Variants in TPRG1 observed in about 807,000 individuals in gnomAD.
TPRG1 encodes tumor protein p63 regulated 1.
Under a neutral mutation model 29.3 loss-of-function variants are expected in TPRG1, and 29 were observed. The observed-to-expected ratio is 0.99, with a 90% CI of 0.74 to 1.35. The LOEUF (loss-of-function observed/expected upper bound fraction) is 1.35, where lower values mean the gene tolerates loss of function less well. TPRG1 is among the 40% of genes most tolerant of loss of function. The pLI is 0.00. For synonymous variants in TPRG1, 130 were observed against 116.8 expected (o/e 1.11, Z -0.73); for missense variants, 327 against 335.0 (o/e 0.98, Z 0.19).
intron 2 of TPRG1, among the ~76,000 whole-genome samples, chr3:189,211,324 T>C (rs1735225934): frequency 6.6e-6 from 1 of 152,198 alleles, no homozygotes; most frequent in Non-Finnish European, 1.5e-5. Context: ...TGAGGCAGGA[T>C]ATTGCTCAAT....
chr3:189,139,141 A>G (rs1238299128), intron 3 of TPRG1, among the ~76,000 whole-genome samples: 3 of 152,206 alleles, frequency 2.0e-5, no homozygotes, highest in Non-Finnish European at 4.4e-5. Flanking sequence ...GCTGATCCTC[A>G]CAAAGGAGGA....
chr3:189,215,223 A>G, intron 2 of TPRG1, 69 bp from the exon 3 acceptor site: 1 of 1,307,890 alleles, frequency 7.6e-7, no homozygotes, highest in Non-Finnish European at 1.1e-6. Flanking sequence ...GCTGGAATAT[A>G]CTAACTAATC....
chr3:189,032,598 T>G (rs1472377364), intron 4 of TPRG1, among the ~76,000 whole-genome samples: 3 of 152,084 alleles, frequency 2.0e-5, no homozygotes, highest in Non-Finnish European at 4.4e-5. Context: ...TTTTTTTCTT[T>G]TTTTTTATTA....
At chr3:189,177,610 G>T (rs1043428192) in intron 1 of TPRG1, among the ~76,000 whole-genome samples, 1 of 151,748 alleles carries the variant, frequency 6.6e-6, no homozygotes, top group African/African-American at 2.4e-5. Context: ...AAGAGGAGAG[G>T]TTTATGGACT....
intron 4 of TPRG1, among the ~76,000 whole-genome samples, chr3:189,057,070 T>C (rs1167106715): frequency 6.6e-5 from 10 of 152,184 alleles, no homozygotes. Context: ...TGACATCACA[T>C]CTATCATGCT....
upstream of TPRG1, among the ~76,000 whole-genome samples, chr3:189,098,122 C>G (rs1718806782): frequency 6.6e-6 from 1 of 151,846 alleles, no homozygotes; most frequent in Non-Finnish European, 1.5e-5. Flanking sequence ...CTAAGACTGA[C>G]CAATTGATCA....
chr3:189,211,404 T>C (rs1735238667), intron 2 of TPRG1, among the ~76,000 whole-genome samples: 1 of 152,154 alleles, frequency 6.6e-6, no homozygotes, highest in African/African-American at 2.4e-5. Flanking sequence ...AATTACAAAT[T>C]AGATTTACAA....
chr3:189,188,138 C>G (rs1267948528), intron 1 of TPRG1, among the ~76,000 whole-genome samples: 1 of 152,156 alleles, frequency 6.6e-6, no homozygotes, highest in Non-Finnish European at 1.5e-5. Flanking sequence ...AAAAACTGTT[C>G]AGTGCAATAT....
At chr3:189,250,501 T>TCCCCCC (rs1347491782) in intron 4 of TPRG1, among the ~76,000 whole-genome samples, 21 of 31,012 alleles carry the variant, frequency 6.8e-4, no homozygotes, top group Non-Finnish European at 1.2e-3. Flanking sequence ...AGTTCTGATT[T>TCCCCCC]CCGCCCCCCC....
chr3:189,323,449 T>A lies in TPRG1; in HGVS notation c.*2629T>A, dbSNP rs1473908900. ...CTTGTGAGGATTCAATGAAATGAGG[T>A]TAAATTCTTTTATTAAACAGAAAGT... On this transcript the variant is annotated 3_prime_UTR_variant, in exon 6 of 6. Coordinates refer to ENST00000345063, the MANE Select transcript of TPRG1 (RefSeq NM_198485.4). 1 of 152,150 alleles carries A rather than the reference T, an allele frequency of 6.6e-6. No homozygotes were observed. Among genetic ancestry groups the A allele is most frequent in the Admixed American group, 6.6e-5 (1 of 15,258 alleles). 9.4% of individuals were successfully genotyped at this position (152,150 alleles called of 1,614,324 possible).
chr3:189,317,513 C>A (rs1560697477), intron 5 of TPRG1, among the ~76,000 whole-genome samples: 1 of 152,196 alleles, frequency 6.6e-6, no homozygotes, highest in Non-Finnish European at 1.5e-5. Context: ...ATCTTTACAA[C>A]CACCTGATAA....
chr3:189,199,246 C>T (rs2108771028), intron 1 of TPRG1, among the ~76,000 whole-genome samples: 1 of 152,300 alleles, frequency 6.6e-6, no homozygotes, highest in East Asian at 1.9e-4. Flanking sequence ...TTTTGAATCA[C>T]AAGAGAACCA....
At chr3:189,227,188 G>C (rs1314485091) in intron 3 of TPRG1, among the ~76,000 whole-genome samples, 1 of 151,934 alleles carries the variant, frequency 6.6e-6, no homozygotes, top group Non-Finnish European at 1.5e-5. Flanking sequence ...TAGCCAAGCA[G>C]ACAGTGGTTC....
At chr3:189,139,944 A>G (rs1042451334) in intron 3 of TPRG1, among the ~76,000 whole-genome samples, 1 of 152,144 alleles carries the variant, frequency 6.6e-6, no homozygotes, top group Admixed American at 6.5e-5. Flanking sequence ...AAAAACCACT[A>G]AAGGAACATA....
At chr3:189,112,229 A>G (rs569331791) in intron 1 of TPRG1, among the ~76,000 whole-genome samples, 1 of 152,046 alleles carries the variant, frequency 6.6e-6, no homozygotes, top group African/African-American at 2.4e-5. Flanking sequence ...TTTTGCATCT[A>G]TGTTTGTGAG....
intron 3 of TPRG1, among the ~76,000 whole-genome samples, chr3:189,236,298 G>A (rs537493121): frequency 6.6e-6 from 1 of 152,262 alleles, no homozygotes; most frequent in South Asian, 2.1e-4. Context: ...GACATTTTCA[G>A]TAAAACCATT....
chr3:189,011,129 G>T (rs1469513584), intron 3 of TPRG1, among the ~76,000 whole-genome samples: 1 of 152,130 alleles, frequency 6.6e-6, no homozygotes, highest in Non-Finnish European at 1.5e-5. Flanking sequence ...CTATATGTCT[G>T]TTGTTGTCCA....
chr3:189,022,705 G>A (rs1208211776), intron 3 of TPRG1, among the ~76,000 whole-genome samples: 1 of 152,240 alleles, frequency 6.6e-6, no homozygotes, highest in Non-Finnish European at 1.5e-5. Context: ...TGCCCCCAGA[G>A]GTGGAGCCTA....
chr3:189,020,413 A>C (rs1436872910), intron 3 of TPRG1, among the ~76,000 whole-genome samples: 1 of 151,522 alleles, frequency 6.6e-6, no homozygotes, highest in Non-Finnish European at 1.5e-5. Context: ...TGCGTCCCAG[A>C]GATTCTGGTA....
Sources: allele counts gnomAD v4.1 joint callset (sites outside exome capture counted in the v4.1 genomes callset), GRCh38; gene constraint gnomAD v4.1.1; transcripts MANE v1.5; gene names NCBI Gene and HGNC (gene_info 2026-07-23, HGNC 2026-07-21).